The following ATXN1 variants were observed in gnomAD, a reference collection of about 807,000 sequenced individuals.
ATXN1 encodes ataxin-1.
In ATXN1, 8 loss-of-function variants were observed where a neutral mutation model predicts 56.4. That is an observed-to-expected ratio of 0.14 (90% CI 0.08 to 0.26). The LOEUF (loss-of-function observed/expected upper bound fraction) is 0.26. Among genes scored for constraint, ATXN1 ranks in the 10% least tolerant of loss-of-function variants. The probability of loss-of-function intolerance (pLI) is 1.00; values close to 1 mark genes in which losing one functional copy is unlikely to be tolerated. For missense variants in ATXN1, 987 were observed against 1,106.5 expected, an observed-to-expected ratio of 0.89 and a Z score of 1.53; for synonymous variants, 514 against 494.6, an observed-to-expected ratio of 1.04 and a Z score of -0.52.
intron 6 of ATXN1, among the ~76,000 whole-genome samples, chr6:16,436,866 G>A (rs1290758543): frequency 6.6e-6 from 1 of 152,190 alleles, no homozygotes; most frequent in African/African-American, 2.4e-5. Flanking sequence ...CTGTTGCATG[G>A]AGGAGATATT....
chr6:16,668,729 C>T (rs1212047727), intron 2 of ATXN1, among the ~76,000 whole-genome samples: 2 of 151,994 alleles, frequency 1.3e-5, no homozygotes, highest in Non-Finnish European at 2.9e-5. Flanking sequence ...ATTTCGTATA[C>T]CTCTGTTTTC....
At chr6:16,448,078 T>C (rs1415288328) in intron 6 of ATXN1, among the ~76,000 whole-genome samples, 4 of 152,172 alleles carry the variant, frequency 2.6e-5, no homozygotes, top group Non-Finnish European at 4.4e-5. Flanking sequence ...ACATTTATGG[T>C]AAAAACCACA....
At chr6:16,675,157 T>C (rs562986722) in intron 2 of ATXN1, among the ~76,000 whole-genome samples, 5 of 152,312 alleles carry the variant, frequency 3.3e-5, no homozygotes, top group Admixed American at 1.3e-4. Context: ...CTTTATAGAA[T>C]GTGCTTCCAG....
At chr6:16,691,820 C>T (rs1428423371) in intron 2 of ATXN1, among the ~76,000 whole-genome samples, 1 of 152,202 alleles carries the variant, frequency 6.6e-6, no homozygotes, top group Non-Finnish European at 1.5e-5. Context: ...TCCTAACTCC[C>T]CACGTGATAG....
At chr6:16,425,137 T>A (rs1436353690) in intron 6 of ATXN1, among the ~76,000 whole-genome samples, 3 of 152,250 alleles carry the variant, frequency 2.0e-5, no homozygotes, top group African/African-American at 7.2e-5. Flanking sequence ...TATTTTAAAG[T>A]GCACAGATGC....
intron 3 of ATXN1, among the ~76,000 whole-genome samples, chr6:16,636,018 T>C (rs1416278738): frequency 2.6e-5 from 4 of 152,078 alleles, no homozygotes; most frequent in Admixed American, 2.6e-4. Flanking sequence ...TAAAAGTCAC[T>C]CGCCCGTGGA....
intron 6 of ATXN1, among the ~76,000 whole-genome samples, chr6:16,363,439 C>T (rs889666772): frequency 6.6e-6 from 1 of 152,136 alleles, no homozygotes; most frequent in African/African-American, 2.4e-5. Context: ...AAGGACAAAA[C>T]AAAATTGATC....
chr6:16,507,324 GA>G (rs965140983), intron 5 of ATXN1, among the ~76,000 whole-genome samples: 1 of 152,224 alleles, frequency 6.6e-6, no homozygotes, highest in Admixed American at 6.5e-5. Context: ...TGGATAAATA[GA>G]TGGGTAAGTG....
chr6:16,382,801 C>T (rs2113508651), intron 6 of ATXN1, among the ~76,000 whole-genome samples: 1 of 149,866 alleles, frequency 6.7e-6, no homozygotes, highest in South Asian at 2.1e-4. Context: ...ACATAAAAGA[C>T]ACTATCACTA....
rs139195459 is a variant in ATXN1 at position 16,436,411 on chromosome 6, A to T, written c.-161+49561T>A. ...CATGGAAATAAAAGATTTATAATGA[A>T]GTATTTTCCATTAAATGGTGATAGA... On this transcript the variant is annotated intron_variant, in intron 6 of 7. Transcript: ENST00000436367. Among the ~76,000 whole-genome samples the T allele has an allele frequency of 2.8e-3, 429 of 152,340 alleles. 1 individual carries two copies. The highest frequency in any genetic ancestry group is 3.8e-3 in the Non-Finnish European group (257 of 68,036).
chr6:16,721,346 C>A (rs1456931431), intron 2 of ATXN1, among the ~76,000 whole-genome samples: 2 of 152,152 alleles, frequency 1.3e-5, no homozygotes, highest in Admixed American at 6.5e-5. Flanking sequence ...TACCAAGTGG[C>A]TGGGGGTGGT....
At chr6:16,740,197 T>C (rs1760287973) in intron 2 of ATXN1, among the ~76,000 whole-genome samples, 1 of 152,240 alleles carries the variant, frequency 6.6e-6, no homozygotes, top group Admixed American at 6.5e-5. Flanking sequence ...AAAGGCTTCA[T>C]AATAGTTATT....
At chr6:16,678,451 A>G (rs1758731115) in intron 2 of ATXN1, among the ~76,000 whole-genome samples, 1 of 152,100 alleles carries the variant, frequency 6.6e-6, no homozygotes, top group Non-Finnish European at 1.5e-5. Context: ...CCAAAATGTT[A>G]TTTTCTTACA....
intron 5 of ATXN1, among the ~76,000 whole-genome samples, chr6:16,496,580 G>A (rs1378208704): frequency 6.6e-6 from 1 of 152,094 alleles, no homozygotes; most frequent in African/African-American, 2.4e-5. Context: ...TACTCCACTT[G>A]CTGCAATTTC....
intron 6 of ATXN1, among the ~76,000 whole-genome samples, chr6:16,365,339 CCTAA>C (rs1188268043): frequency 2.0e-5 from 3 of 152,008 alleles, no homozygotes; most frequent in Non-Finnish European, 4.4e-5. Flanking sequence ...ACCACGCCTG[CCTAA>C]CTTTTTGTAT....
At chr6:16,355,211 A>T (rs188463588) in intron 6 of ATXN1, among the ~76,000 whole-genome samples, 61 of 152,318 alleles carry the variant, frequency 4.0e-4, no homozygotes, top group Non-Finnish European at 7.8e-4. Context: ...TGAGAGCAGA[A>T]CCCAGCTTGG....
chr6:16,566,675 A>C (rs1405539462), intron 4 of ATXN1, among the ~76,000 whole-genome samples: 1 of 152,056 alleles, frequency 6.6e-6, no homozygotes, highest in African/African-American at 2.4e-5. Flanking sequence ...AACACTGTGA[A>C]ACCCCGTCTC....
At chr6:16,533,369 T>G (rs1257006984) in intron 4 of ATXN1, among the ~76,000 whole-genome samples, 1 of 152,186 alleles carries the variant, frequency 6.6e-6, no homozygotes. Flanking sequence ...TGATGAACTG[T>G]GACCTCGTTT....
At chr6:16,704,115 C>G (rs879431787) in intron 2 of ATXN1, among the ~76,000 whole-genome samples, 24 of 152,164 alleles carry the variant, frequency 1.6e-4, no homozygotes, top group Non-Finnish European at 3.1e-4. Flanking sequence ...TATAAGAGAG[C>G]AGGCAAAACA....
Sources: allele counts gnomAD v4.1 joint callset (sites outside exome capture counted in the v4.1 genomes callset), GRCh38; gene constraint gnomAD v4.1.1; transcripts MANE v1.5; gene names NCBI Gene and HGNC (gene_info 2026-07-23, HGNC 2026-07-21).